The following TTC38 variants were observed in gnomAD, a reference collection of about 807,000 sequenced individuals.
The protein encoded by TTC38 is tetratricopeptide repeat domain 38, also known as tetratricopeptide repeat protein 38.
A neutral mutation model predicts 64.2 loss-of-function variants in TTC38; 64 were observed. The ratio of observed to expected loss-of-function variants is 1.00; its 90% CI spans 0.81 to 1.23. The LOEUF (loss-of-function observed/expected upper bound fraction) is 1.23. TTC38 is among the 50% of genes most tolerant of loss of function. The pLI, the probability that TTC38 is intolerant of heterozygous loss-of-function variation, is 0.00. For synonymous variants in TTC38, 254 were observed against 249.3 expected, an observed-to-expected ratio of 1.02 and a Z score of -0.18; for missense variants, 573 against 615.5, an observed-to-expected ratio of 0.93 and a Z score of 0.73.
In TTC38 at chr22:46,274,133, T is replaced by C; in HGVS notation, c.365+64T>C. 1 of 1,241,014 alleles carries C rather than the reference T, an allele frequency of 8.1e-7. No homozygotes were observed. Among genetic ancestry groups the C allele is most frequent in the Non-Finnish European group, 1.1e-6 (1 of 880,748 alleles). 76.9% of individuals were successfully genotyped at this position (1,241,014 alleles called of 1,614,324 possible). ...GCTGAGCTGGGGGAGTGGCAGGGTA[T>C]CCCTTTCCTGATGCCCTTGGGACGG... On this transcript the variant is annotated intron_variant, in intron 4 of 13. Transcript: ENST00000381031. This position sits in a 1 kb window ranked among gnomAD's most constrained non-coding sequence, Gnocchi z 4.8.
rs2077533918 is a variant in TTC38 at position 46,281,475 on chromosome 22, C to T, written c.616-124C>T. The T allele has an allele frequency of 5.7e-6, 6 of 1,052,684 alleles. No individual in the cohort carries two copies. In the Admixed American group the frequency reaches 8.5e-5, roughly 15 times the overall value. 65.2% of individuals were successfully genotyped at this position (1,052,684 alleles called of 1,614,324 possible). ...TCAGTGTTTTGAGTCAGAGCCCCGCCCCCCCACTTGCTCCACCCCGTTCAG... is the reference window on the plus strand; with the variant it reads ...TCAGTGTTTTGAGTCAGAGCCCCGCTCCCCCACTTGCTCCACCCCGTTCAG... On this transcript the variant is annotated intron_variant, in intron 6 of 13. Coordinates refer to ENST00000381031, the MANE Select transcript of TTC38 (RefSeq NM_017931.4). The surrounding 1 kb of genome is among the most constrained non-coding windows in gnomAD (Gnocchi z 5.2).
rs752287786 is a variant in TTC38, at chr22:46,281,709, C to T, written c.726C>T (p.Thr242=). The T allele has an allele frequency of 5.6e-6, 9 of 1,613,894 alleles. No homozygotes were observed. The African/African-American group carries it at 1.1e-4, about 19-fold the overall frequency. Residue 242 remains threonine, a synonymous_variant, in exon 7 of 14, where the codon ACC becomes ACT. Coordinates refer to ENST00000381031, the MANE Select transcript of TTC38 (RefSeq NM_017931.4). This position sits in a 1 kb window ranked among gnomAD's most constrained non-coding sequence, Gnocchi z 5.2. ...TGGAATTCATGCAGCACTCAGAGAC[C>T]TTCTGGAAGGTATGATGCTTGTCAA... The part of the protein sequence containing the change: ...DGLEFMQHSE[T]FWKDSDMLAC...
At chr22:46,285,923 G>A (rs1044224570) in intron 9 of TTC38, among the ~76,000 whole-genome samples, 2 of 145,858 alleles carry the variant, frequency 1.4e-5, no homozygotes, top group African/African-American at 5.3e-5. Flanking sequence ...GCTGAGGCAC[G>A]AGAATCACTT....
Position 46,268,008 on chromosome 22 carries a change from A to C in TTC38, c.-32A>C. 6.6e-7 allele frequency: 1 copy of C among 1,525,290 alleles called. No individual in the cohort carries two copies. Among genetic ancestry groups the C allele is most frequent in the Non-Finnish European group, 8.8e-7 (1 of 1,142,398 alleles). 94.5% of individuals were successfully genotyped at this position (1,525,290 alleles called of 1,614,324 possible). A position where few individuals can be genotyped will look rare whatever the true frequency, so the allele number is the denominator to read the frequency against. On this transcript the variant is annotated 5_prime_UTR_variant, in exon 1 of 14. Coordinates refer to ENST00000381031, the MANE Select transcript of TTC38 (RefSeq NM_017931.4). ...CACTCCCAGGAAGGCCCGGGTGCCCAGAGCTCGCGGTGGACTCCGACCCGG... is the reference window on the plus strand; with the variant it reads ...CACTCCCAGGAAGGCCCGGGTGCCCCGAGCTCGCGGTGGACTCCGACCCGG...
intron 9 of TTC38, 72 bp from the exon 10 acceptor site, chr22:46,287,001 G>GA: frequency 7.9e-7 from 1 of 1,273,302 alleles, no homozygotes; most frequent in Non-Finnish European, 1.1e-6. Flanking sequence ...TGGACAGGCT[G>GA]ACCCTGGCTG....
intron 11 of TTC38, 106 bp downstream of exon 11, chr22:46,288,694 T>C: frequency 8.5e-7 from 1 of 1,179,970 alleles, no homozygotes; most frequent in Non-Finnish European, 1.2e-6. Context: ...CGCCTGTGAG[T>C]GCAGCAGGGG....
rs2077622854 is a variant in TTC38, at chr22:46,292,441, G to A, written c.1317-350G>A. ...CCCTGTTCTTAATACCATCACCTTG[G>A]GCATTTGGGCTTCAACATATACATT... On this transcript the variant is annotated intron_variant, in intron 13 of 13. Transcript: ENST00000381031. This position sits in a 1 kb window ranked among gnomAD's most constrained non-coding sequence, Gnocchi z 6.5. 6.3e-6 allele frequency: 2 copies of A among 317,490 alleles called. No individual in the cohort carries two copies. The highest frequency in any genetic ancestry group is 4.0e-5 in the Admixed American group (1 of 24,922). The allele number at this position is 317,490 out of a possible 1,614,324, so 19.7% of individuals were successfully genotyped here. A position where few individuals can be genotyped will look rare whatever the true frequency, so the allele number is the denominator to read the frequency against.
intron 10 of TTC38, 90 bp downstream of exon 10, chr22:46,287,244 G>T: frequency 8.4e-7 from 1 of 1,192,526 alleles, no homozygotes; most frequent in South Asian, 1.4e-5. Flanking sequence ...GGTTGGGCAA[G>T]AGCTCATGGG....
Position 46,292,773 on chromosome 22 carries a change from C to G in TTC38, c.1317-18C>G. The stretch of plus-strand genomic sequence containing the variant: ...TCTAGAAGGTTCTGTAACAGGACCT[C>G]TGTGTCTGTTTCCACAGGAGCCTTC... On this transcript the variant is annotated intron_variant, in intron 13 of 13. Coordinates refer to ENST00000381031, the MANE Select transcript of TTC38 (RefSeq NM_017931.4). This position sits in a 1 kb window ranked among gnomAD's most constrained non-coding sequence, Gnocchi z 6.5. The G allele has an allele frequency of 6.2e-7, 1 of 1,610,336 alleles. No homozygotes were observed. Among genetic ancestry groups the G allele is most frequent in the Non-Finnish European group, 8.5e-7 (1 of 1,176,714 alleles).
At chr22:46,268,460 G>A (rs1936810847) in intron 1 of TTC38, 54 bp from the exon 2 acceptor site, 1 of 1,590,466 alleles carries the variant, frequency 6.3e-7, no homozygotes, top group South Asian at 1.1e-5. Flanking sequence ...GTGTGTTGAA[G>A]TTTGAAGGGC....
At chr22:46,284,427 C>G (rs897163075) in intron 8 of TTC38, among the ~76,000 whole-genome samples, 7 of 152,174 alleles carry the variant, frequency 4.6e-5, no homozygotes, top group African/African-American at 1.7e-4. Flanking sequence ...TTGCAGTGCT[C>G]CTTATCGTGC....
intron 8 of TTC38, 138 bp downstream of exon 8, chr22:46,284,170 T>C (rs6008507): frequency 0.15 from 105,133 of 706,830 alleles, 12,789 homozygotes; most frequent in African/African-American, 0.52. Flanking sequence ...AAGAGCACTC[T>C]AGGCTTCAAC....
rs2077633285 is a variant in TTC38 at position 46,293,720 on chromosome 22, TGGAGCG to T, written c.*839_*844del. Reference sequence around the variant, plus strand: ...CTGTGATGTGTGGCTGTGACAAGCCTGGAGCGGGTCCTGTGAGCGCCGCCTCTGTCT... The same window carrying T: ...CTGTGATGTGTGGCTGTGACAAGCCTGGTCCTGTGAGCGCCGCCTCTGTCT... On this transcript the variant is annotated 3_prime_UTR_variant, in exon 14 of 14. Coordinates refer to ENST00000381031, the MANE Select transcript of TTC38 (RefSeq NM_017931.4). The surrounding 1 kb of genome is among the most constrained non-coding windows in gnomAD (Gnocchi z 6.6). The T allele has an allele frequency of 6.6e-6, 1 of 152,408 alleles. No homozygotes were observed. The allele number at this position is 152,408 out of a possible 1,614,324, so 9.4% of individuals were successfully genotyped here. A position where few individuals can be genotyped will look rare whatever the true frequency, so the allele number is the denominator to read the frequency against.
At chr22:46,289,777 T>TC in intron 12 of TTC38, 49 bp from the exon 13 acceptor site, 1 of 1,587,758 alleles carries the variant, frequency 6.3e-7, no homozygotes, top group African/African-American at 1.3e-5. Context: ...GGGGCTCGCC[T>TC]CCCCCATCCT....
rs1936815257 is a variant in TTC38, at chr22:46,268,560, CCT to C, written c.81_82del (p.Cys28GlnfsTer16). On this transcript the variant is annotated frameshift_variant, in exon 2 of 14. Coordinates refer to ENST00000381031, the MANE Select transcript of TTC38 (RefSeq NM_017931.4). LOFTEE classifies it high-confidence loss of function. Reference sequence around the variant, plus strand: ...CCGCTCTCCACCACAAGCAACGAAGCCTGCAAGCTGTTCGATGCCACGCTGAC... The same window carrying C: ...CCGCTCTCCACCACAAGCAACGAAGCGCAAGCTGTTCGATGCCACGCTGAC... 1.2e-6 allele frequency: 2 copies of C among 1,613,952 alleles called. No individual in the cohort carries two copies. The highest frequency in any genetic ancestry group is 1.7e-6 in the Non-Finnish European group (2 of 1,180,046).
rs2077623673 is a variant in TTC38, at chr22:46,292,572, C to T, written c.1317-219C>T. 6.6e-6 allele frequency among the ~76,000 whole-genome samples: 1 copy of T among 152,232 alleles called. No individual in the cohort carries two copies. The highest frequency in any genetic ancestry group is 1.5e-5 in the Non-Finnish European group (1 of 68,038). ...TTTCCCCACTGCCACCTGTTGTGCC[C>T]CATCTCGGGTGTGGCTTCCTGCACT... On this transcript the variant is annotated intron_variant, in intron 13 of 13. Coordinates refer to ENST00000381031, the MANE Select transcript of TTC38 (RefSeq NM_017931.4). This position sits in a 1 kb window ranked among gnomAD's most constrained non-coding sequence, Gnocchi z 6.5.
At chr22:46,286,374 G>T (rs1358249195) in intron 9 of TTC38, among the ~76,000 whole-genome samples, 1 of 152,022 alleles carries the variant, frequency 6.6e-6, no homozygotes, top group Non-Finnish European at 1.5e-5. Flanking sequence ...AAGAAATGAA[G>T]GGTGGGCCGG....
intron 6 of TTC38, chr22:46,280,348 G>T (rs1018216706): frequency 1.9e-5 from 7 of 375,206 alleles, no homozygotes; most frequent in Non-Finnish European, 2.7e-5. Context: ...AGAGGGGCAG[G>T]TGAGGACTGG....
rs1601861461 is a variant in TTC38 at position 46,268,540 on chromosome 22, C to G, written c.60C>G (p.Leu20=). ...CQAWKDARLP[L]STTSNEACKL... ...CCTGGAAGGATGCGAGGCTCCCGCT[C>G]TCCACCACAAGCAACGAAGCCTGCA... Residue 20 remains leucine (L), a synonymous_variant, in exon 2 of 14, where the codon CTC becomes CTG. Coordinates refer to ENST00000381031, the MANE Select transcript of TTC38 (RefSeq NM_017931.4). The G allele has an allele frequency of 6.2e-7, 1 of 1,613,994 alleles. No individual in the cohort carries two copies. Among genetic ancestry groups the G allele is most frequent in the South Asian group, 1.1e-5 (1 of 91,084 alleles).
Sources: gnomAD v4.1 joint callset for allele counts (sites outside exome capture counted in the v4.1 genomes callset) on GRCh38, gnomAD v4.1.1 for gene constraint, Gnocchi (gnomAD v3.1) non-coding constraint, MANE v1.5 for transcripts, NCBI Gene and HGNC (gene_info 2026-07-23, HGNC 2026-07-21) for gene names.